The following HLA-E variants were observed in gnomAD, a reference collection of about 807,000 sequenced individuals.
HLA-E encodes HLA class I histocompatibility antigen, alpha chain E.
In HLA-E, 25 loss-of-function variants were observed where a neutral mutation model predicts 43.4. The observed-to-expected ratio is 0.58, with a 90% confidence interval of 0.42 to 0.80. The LOEUF (loss-of-function observed/expected upper bound fraction) is 0.80. Ranked by LOEUF, HLA-E falls within the 30% of genes least tolerant of loss-of-function variation. The pLI is 0.00. For missense variants in HLA-E, 343 were observed against 470.0 expected (o/e 0.73, Z 2.50); for synonymous variants, 161 against 197.6 (o/e 0.81, Z 1.55).
rs534874909 is a variant in HLA-E at position 30,489,609 on chromosome 6, C to T, written c.64+14C>T. 10 of 1,582,436 alleles carry T rather than the reference C, an allele frequency of 6.3e-6. No individual in the cohort carries two copies. In the African/African-American group the frequency reaches 1.3e-4, roughly 21 times the overall value. On this transcript the variant is annotated intron_variant, in intron 1 of 7. Transcript: ENST00000376630. The surrounding 1 kb of genome is among the most constrained non-coding windows in gnomAD (Gnocchi z 5.6). ...AGACCTGGGCGGGTGAGTGCGGGGT[C>T]GGGATGGAAACGGCCTCTACCGGGA...
At position 30,491,047 on chromosome 6, in the gene HLA-E, C is replaced by G; in HGVS notation, c.611-90C>G. ...TGTCCTCTTCTCCTACTATAATTGTCCTCTTCCTTCTCAGGATGGTCACAT... is the reference window on the plus strand; with the variant it reads ...TGTCCTCTTCTCCTACTATAATTGTGCTCTTCCTTCTCAGGATGGTCACAT... On this transcript the variant is annotated intron_variant, in intron 3 of 7. Transcript: ENST00000376630. The surrounding 1 kb of genome is among the most constrained non-coding windows in gnomAD (Gnocchi z 5.4). 6.6e-7 allele frequency: 1 copy of G among 1,521,650 alleles called. No individual in the cohort carries two copies. The highest frequency in any genetic ancestry group is 9.0e-7 in the Non-Finnish European group (1 of 1,116,640). The allele number at this position is 1,521,650 out of a possible 1,614,324, so 94.3% of individuals were successfully genotyped here.
In HLA-E at chr6:30,491,351, G is replaced by A; in HGVS notation, c.825G>A (p.Glu275=). 6.2e-7 allele frequency: 1 copy of A among 1,614,206 alleles called. No homozygotes were observed. Among genetic ancestry groups the A allele is most frequent in the Non-Finnish European group, 8.5e-7 (1 of 1,180,034 alleles). ...WAAVVVPSGE[E]QRYTCHVQHE... Reference sequence around the variant, plus strand: ...CTGTGGTGGTGCCTTCTGGAGAGGAGCAGAGATACACGTGCCATGTGCAGC... The same window carrying A: ...CTGTGGTGGTGCCTTCTGGAGAGGAACAGAGATACACGTGCCATGTGCAGC... The change falls in exon 4 of 8, where the codon GAG becomes GAA. Residue 275 remains glutamate, a synonymous_variant. Coordinates refer to ENST00000376630, the MANE Select transcript of HLA-E (RefSeq NM_005516.6). This position sits in a 1 kb window ranked among gnomAD's most constrained non-coding sequence, Gnocchi z 5.4.
At position 30,491,943 on chromosome 6, in the gene HLA-E, C is replaced by T. The variant is rs1463759536; in HGVS notation, c.1003+290C>T. Among the ~76,000 whole-genome samples, 6 of 152,070 alleles carry T rather than the reference C, an allele frequency of 3.9e-5. No individual in the cohort carries two copies. Among genetic ancestry groups the T allele is most frequent in the African/African-American group, 1.2e-4 (5 of 41,398 alleles). On this transcript the variant is annotated intron_variant, in intron 5 of 7. Transcript: ENST00000376630. This position sits in a 1 kb window ranked among gnomAD's most constrained non-coding sequence, Gnocchi z 5.4. The stretch of plus-strand genomic sequence containing the variant: ...TCCCTAGTAGCTGGGACTACACATG[C>T]GTGCCACCACACCTGGCTAATTTTT...
At position 30,492,594 on chromosome 6, in the gene HLA-E, G is replaced by C. The variant is rs375642945; in HGVS notation, c.*2+11G>C. 6.2e-7 allele frequency: 1 copy of C among 1,613,670 alleles called. No individual in the cohort carries two copies. Among genetic ancestry groups the C allele is most frequent in the Non-Finnish European group, 8.5e-7 (1 of 1,179,840 alleles). ...TCACAGCTTGTAAAGGTGAGATTCT[G>C]GGGGTCTGAAGTGGGTGGAGGGTGG... On this transcript the variant is annotated intron_variant, in intron 7 of 7. Transcript: ENST00000376630. This position sits in a 1 kb window ranked among gnomAD's most constrained non-coding sequence, Gnocchi z 4.5.
rs995615082 is a variant in HLA-E at position 30,492,243 on chromosome 6, A to T, written c.1004-161A>T. Among the ~76,000 whole-genome samples, 2 of 152,082 alleles carry T rather than the reference A, an allele frequency of 1.3e-5. No individual in the cohort carries two copies. The highest frequency in any genetic ancestry group is 4.8e-5 in the African/African-American group (2 of 41,396). Reference sequence around the variant, plus strand: ...AAGACAGACCTCAGAAGGGCAGTTGATCCAGGACCCACACCTGCTTTCTTC... The same window carrying T: ...AAGACAGACCTCAGAAGGGCAGTTGTTCCAGGACCCACACCTGCTTTCTTC... On this transcript the variant is annotated intron_variant, in intron 5 of 7. Coordinates refer to ENST00000376630, the MANE Select transcript of HLA-E (RefSeq NM_005516.6). The surrounding 1 kb of genome is among the most constrained non-coding windows in gnomAD (Gnocchi z 4.5).
chr6:30,491,919 C>T lies in HLA-E; in HGVS notation c.1003+266C>T, dbSNP rs974353369. Reference sequence around the variant, plus strand: ...TCAAGCAATTCTCCTGCCTCAGCCTCCCTAGTAGCTGGGACTACACATGCG... The same window carrying T: ...TCAAGCAATTCTCCTGCCTCAGCCTTCCTAGTAGCTGGGACTACACATGCG... On this transcript the variant is annotated intron_variant, in intron 5 of 7. Coordinates refer to ENST00000376630, the MANE Select transcript of HLA-E (RefSeq NM_005516.6). The surrounding 1 kb of genome is among the most constrained non-coding windows in gnomAD (Gnocchi z 5.4). 6.6e-6 allele frequency among the ~76,000 whole-genome samples: 1 copy of T among 152,128 alleles called. No individual in the cohort carries two copies. The highest frequency in any genetic ancestry group is 1.5e-5 in the Non-Finnish European group (1 of 68,028).
rs1299769088 is a variant in HLA-E at position 30,493,787 on chromosome 6, C to T, written c.*1041C>T. ...GTGCAGCTGCCACAGAGGGCCCCCA[C>T]CAGGGAAATGTCTAGTGTCTAGTGG... On this transcript the variant is annotated 3_prime_UTR_variant, in exon 8 of 8. Transcript: ENST00000376630. This position sits in a 1 kb window ranked among gnomAD's most constrained non-coding sequence, Gnocchi z 5.5. 1 of 152,538 alleles carries T rather than the reference C, an allele frequency of 6.6e-6. No individual in the cohort carries two copies. The highest frequency in any genetic ancestry group is 2.4e-5 in the African/African-American group (1 of 41,426). 9.4% of individuals were successfully genotyped at this position (152,538 alleles called of 1,614,324 possible). A position where few individuals can be genotyped will look rare whatever the true frequency, so the allele number is the denominator to read the frequency against.
In HLA-E at chr6:30,490,511, C is replaced by A. The variant is rs1221403268; in HGVS notation, c.606C>A (p.His202Gln). The A allele has an allele frequency of 6.2e-7, 1 of 1,612,410 alleles. No individual in the cohort carries two copies. Among genetic ancestry groups the A allele is most frequent in the Non-Finnish European group, 8.5e-7 (1 of 1,179,734 alleles). Residue 202 changes from histidine (H) to glutamine (Q), a missense_variant, in exon 3 of 8, where the codon CAC becomes CAA. Transcript: ENST00000376630. The surrounding 1 kb of genome is among the most constrained non-coding windows in gnomAD (Gnocchi z 6.6). ...YLEKGKETLL[H>Q]LEPPKTHVTH... ...AGAAGGGGAAGGAGACGCTGCTTCACCTGGGTAAGAGGGTCCACAGGGCTA... is the reference window on the plus strand; with the variant it reads ...AGAAGGGGAAGGAGACGCTGCTTCAACTGGGTAAGAGGGTCCACAGGGCTA...
rs1158812941 is a variant in HLA-E at position 30,492,457 on chromosome 6, T to C, written c.1036+21T>C. The C allele has an allele frequency of 1.9e-6, 3 of 1,613,818 alleles. No individual in the cohort carries two copies. The highest frequency in any genetic ancestry group is 1.7e-5 in the Admixed American group (1 of 59,974). Reference sequence around the variant, plus strand: ...TGAGTGTAAGTGCGGGGCGGGAGCGTGGAGGAGCTCGCCCACCCTATAATT... The same window carrying C: ...TGAGTGTAAGTGCGGGGCGGGAGCGCGGAGGAGCTCGCCCACCCTATAATT... On this transcript the variant is annotated intron_variant, in intron 6 of 7. Coordinates refer to ENST00000376630, the MANE Select transcript of HLA-E (RefSeq NM_005516.6). This position sits in a 1 kb window ranked among gnomAD's most constrained non-coding sequence, Gnocchi z 4.5.
chr6:30,491,480 C>T lies in HLA-E; in HGVS notation c.887-57C>T. ...CGGGAGCCCTTCTGGAGCCCTTCCG[C>T]AGGGTCAGGGCTGAGGCCTGGGGGT... On this transcript the variant is annotated intron_variant, in intron 4 of 7. Coordinates refer to ENST00000376630, the MANE Select transcript of HLA-E (RefSeq NM_005516.6). The surrounding 1 kb of genome is among the most constrained non-coding windows in gnomAD (Gnocchi z 5.4). 3.7e-6 allele frequency: 6 copies of T among 1,610,812 alleles called. No individual in the cohort carries two copies. The highest frequency in any genetic ancestry group is 1.1e-5 in the South Asian group (1 of 90,858).
chr6:30,492,726 TTC>T lies in HLA-E; in HGVS notation c.*3-22_*3-21del. The stretch of plus-strand genomic sequence containing the variant: ...ACTTACCGTGACTGACCTGAATTTG[TTC>T]ATGACTATTTTCTTCTGTAGCCTGA... On this transcript the variant is annotated intron_variant, in intron 7 of 7. Transcript: ENST00000376630. This position sits in a 1 kb window ranked among gnomAD's most constrained non-coding sequence, Gnocchi z 4.5. The T allele has an allele frequency of 1.2e-6, 1 of 820,154 alleles. No individual in the cohort carries two copies. The highest frequency in any genetic ancestry group is 1.6e-5 in the South Asian group (1 of 63,346). 50.8% of individuals were successfully genotyped at this position (820,154 alleles called of 1,614,324 possible).
At position 30,493,089 on chromosome 6, in the gene HLA-E, C is replaced by G. The variant is rs149714735; in HGVS notation, c.*343C>G. On this transcript the variant is annotated 3_prime_UTR_variant, in exon 8 of 8. Transcript: ENST00000376630. This position sits in a 1 kb window ranked among gnomAD's most constrained non-coding sequence, Gnocchi z 5.5. ...AGGGCAGATCACGAGGTCAGGAGAT[C>G]GAAACCATCCTGGCTAACACGGTGA... 1 of 157,492 alleles carries G rather than the reference C, an allele frequency of 6.3e-6. No individual in the cohort carries two copies. Among genetic ancestry groups the G allele is most frequent in the Non-Finnish European group, 1.4e-5 (1 of 71,510 alleles). The allele number at this position is 157,492 out of a possible 1,614,324, so 9.8% of individuals were successfully genotyped here.
In HLA-E at chr6:30,492,757, A is replaced by G; in HGVS notation, c.*11A>G. On this transcript the variant is annotated 3_prime_UTR_variant, in exon 8 of 8. Coordinates refer to ENST00000376630, the MANE Select transcript of HLA-E (RefSeq NM_005516.6). This position sits in a 1 kb window ranked among gnomAD's most constrained non-coding sequence, Gnocchi z 4.5. ...ACTATTTTCTTCTGTAGCCTGAGAC[A>G]GCTGCCTTGTGTGCGACTGAGATGC... 1 of 726,808 alleles carries G rather than the reference A, an allele frequency of 1.4e-6. No homozygotes were observed. Among genetic ancestry groups the G allele is most frequent in the Admixed American group, 2.3e-5 (1 of 42,960 alleles). 45.0% of individuals were successfully genotyped at this position (726,808 alleles called of 1,614,324 possible).
rs779729005 is a variant in HLA-E at position 30,490,226 on chromosome 6, A to C, written c.335-14A>C. Reference sequence around the variant, plus strand: ...GGGGCTTGGTGGGCGGGACTGACTAAGGGGCGGGGCCAGGGTCTCACACCC... The same window carrying C: ...GGGGCTTGGTGGGCGGGACTGACTACGGGGCGGGGCCAGGGTCTCACACCC... On this transcript the variant is annotated splice_polypyrimidine_tract_variant and intron_variant, in intron 2 of 7. Transcript: ENST00000376630. The surrounding 1 kb of genome is among the most constrained non-coding windows in gnomAD (Gnocchi z 6.6). The C allele has an allele frequency of 1.7e-5, 27 of 1,608,660 alleles. No individual in the cohort carries two copies. The highest frequency in any genetic ancestry group is 2.3e-5 in the Non-Finnish European group (27 of 1,177,756).
rs747011136 is a variant in HLA-E, at chr6:30,490,992, A to T, written c.611-145A>T. On this transcript the variant is annotated intron_variant, in intron 3 of 7. Transcript: ENST00000376630. The surrounding 1 kb of genome is among the most constrained non-coding windows in gnomAD (Gnocchi z 6.6). Reference sequence around the variant, plus strand: ...TCCAAGGAATAAGAGGCTATCCCAGATCCCTAAGTCCAGGCTGGTGTCAAG... The same window carrying T: ...TCCAAGGAATAAGAGGCTATCCCAGTTCCCTAAGTCCAGGCTGGTGTCAAG... The T allele has an allele frequency of 1.7e-6, 2 of 1,160,016 alleles. No homozygotes were observed. The highest frequency in any genetic ancestry group is 3.1e-5 in the African/African-American group (2 of 64,312). The allele number at this position is 1,160,016 out of a possible 1,614,324, so 71.9% of individuals were successfully genotyped here.
In HLA-E at chr6:30,493,865, C is replaced by T. The variant is rs1263434221; in HGVS notation, c.*1119C>T. 2 of 152,342 alleles carry T rather than the reference C, an allele frequency of 1.3e-5. No homozygotes were observed. Among genetic ancestry groups the T allele is most frequent in the Admixed American group, 6.5e-5 (1 of 15,278 alleles). The allele number at this position is 152,342 out of a possible 1,614,324, so 9.4% of individuals were successfully genotyped here. On this transcript the variant is annotated 3_prime_UTR_variant, in exon 8 of 8. Transcript: ENST00000376630. The surrounding 1 kb of genome is among the most constrained non-coding windows in gnomAD (Gnocchi z 5.5). ...TGGAGCGCTGGGAGCAGGACCTGACCACCACCAGGACCCCAGAACTGTGGA... is the reference window on the plus strand; with the variant it reads ...TGGAGCGCTGGGAGCAGGACCTGACTACCACCAGGACCCCAGAACTGTGGA...
chr6:30,492,598 G>A lies in HLA-E; in HGVS notation c.*2+15G>A, dbSNP rs368345527. The A allele has an allele frequency of 2.9e-5, 46 of 1,613,332 alleles. No homozygotes were observed. The highest frequency in any genetic ancestry group is 3.6e-5 in the Non-Finnish European group (43 of 1,179,676). Reference sequence around the variant, plus strand: ...AGCTTGTAAAGGTGAGATTCTGGGGGTCTGAAGTGGGTGGAGGGTGGGGCA... The same window carrying A: ...AGCTTGTAAAGGTGAGATTCTGGGGATCTGAAGTGGGTGGAGGGTGGGGCA... On this transcript the variant is annotated intron_variant, in intron 7 of 7. Coordinates refer to ENST00000376630, the MANE Select transcript of HLA-E (RefSeq NM_005516.6). This position sits in a 1 kb window ranked among gnomAD's most constrained non-coding sequence, Gnocchi z 4.5.
chr6:30,492,570 C>G lies in HLA-E; in HGVS notation c.1066C>G (p.His356Asp). The G allele has an allele frequency of 6.2e-7, 1 of 1,614,004 alleles. No homozygotes were observed. Among genetic ancestry groups the G allele is most frequent in the Non-Finnish European group, 8.5e-7 (1 of 1,179,994 alleles). ...WSDSAQGSES[H>D]SL Reference sequence around the variant, plus strand: ...CGACAGTGCCCAGGGGTCTGAGTCTCACAGCTTGTAAAGGTGAGATTCTGG... The same window carrying G: ...CGACAGTGCCCAGGGGTCTGAGTCTGACAGCTTGTAAAGGTGAGATTCTGG... Residue 356 changes from histidine (H) to aspartate (D), a missense_variant, in exon 7 of 8, where the codon CAC becomes GAC. Transcript: ENST00000376630. This position sits in a 1 kb window ranked among gnomAD's most constrained non-coding sequence, Gnocchi z 4.5.
At position 30,494,058 on chromosome 6, in the gene HLA-E, CAA is replaced by C. The variant is rs1218482933; in HGVS notation, c.*1315_*1316del. On this transcript the variant is annotated 3_prime_UTR_variant, in exon 8 of 8. Coordinates refer to ENST00000376630, the MANE Select transcript of HLA-E (RefSeq NM_005516.6). The surrounding 1 kb of genome is among the most constrained non-coding windows in gnomAD (Gnocchi z 4.9). ...GTGTCCGTGAGGCAGCACACGAAGT[CAA>C]AAGAGATTATTCTCTTCCCACAGAT... 6.6e-6 allele frequency: 1 copy of C among 152,294 alleles called. No homozygotes were observed. The highest frequency in any genetic ancestry group is 1.5e-5 in the Non-Finnish European group (1 of 68,084). 9.4% of individuals were successfully genotyped at this position (152,294 alleles called of 1,614,324 possible).
Sources: gnomAD v4.1 joint callset for allele counts (sites outside exome capture counted in the v4.1 genomes callset) on GRCh38, gnomAD v4.1.1 for gene constraint, Gnocchi (gnomAD v3.1) non-coding constraint, MANE v1.5 for transcripts, NCBI Gene and HGNC (gene_info 2026-07-23, HGNC 2026-07-21) for gene names.